DSCAM: variants seen among roughly 807,000 people sequenced by gnomAD.
DSCAM encodes cell adhesion molecule DSCAM.
A neutral mutation model predicts 217.7 loss-of-function variants in DSCAM; 47 were observed. The observed-to-expected ratio is 0.22, with a 90% CI of 0.17 to 0.28. DSCAM has a LOEUF of 0.28. Ranked by LOEUF, DSCAM falls within the 10% of genes least tolerant of loss-of-function variation. The pLI is 1.00. For missense variants in DSCAM, 2,080 were observed against 2,618.3 expected, an observed-to-expected ratio of 0.79 and a Z score of 4.49; for synonymous variants, 1,056 against 1,015.3, an observed-to-expected ratio of 1.04 and a Z score of -0.76.
At chr21:40,480,073 A>G (rs2075969449) in intron 3 of DSCAM, among the ~76,000 whole-genome samples, 2 of 152,172 alleles carry the variant, frequency 1.3e-5, no homozygotes, top group Admixed American at 1.3e-4. Flanking sequence ...TGTGACAGAA[A>G]CTGCCTGCAC....
At chr21:40,318,738 G>A (rs1461809091) in intron 8 of DSCAM, among the ~76,000 whole-genome samples, 1 of 152,212 alleles carries the variant, frequency 6.6e-6, no homozygotes, top group Non-Finnish European at 1.5e-5. Flanking sequence ...GAGTGATAAG[G>A]ATATTGCTGG....
At chr21:40,231,965 C>T (rs1020518987) in intron 11 of DSCAM, among the ~76,000 whole-genome samples, 1 of 152,194 alleles carries the variant, frequency 6.6e-6, no homozygotes, top group African/African-American at 2.4e-5. Flanking sequence ...CTGGACACCA[C>T]CCTTGGCATT....
rs2075106179 is a variant in DSCAM, at chr21:40,388,477, G to A, written c.509-19232C>T. On this transcript the variant is annotated intron_variant, in intron 3 of 32. Coordinates refer to ENST00000400454, the MANE Select transcript of DSCAM (RefSeq NM_001389.5). Reference sequence around the variant, plus strand: ...GAAAAGCAATCTCTTTAGTGCTTTTGACACTTTTCCACAAATTCCATTTCA... The same window carrying A: ...GAAAAGCAATCTCTTTAGTGCTTTTAACACTTTTCCACAAATTCCATTTCA... Among the ~76,000 whole-genome samples the A allele has an allele frequency of 2.0e-5, 3 of 152,106 alleles. No homozygotes were observed. The South Asian group carries it at 6.2e-4, about 32-fold the overall frequency.
chr21:40,124,840 A>G (rs1170893331), intron 19 of DSCAM, among the ~76,000 whole-genome samples: 1 of 152,124 alleles, frequency 6.6e-6, no homozygotes, highest in African/African-American at 2.4e-5. Flanking sequence ...TAGCTCTAGG[A>G]CCTAATACAG....
chr21:40,373,545 A>G (rs920010939), intron 3 of DSCAM, among the ~76,000 whole-genome samples: 1 of 152,218 alleles, frequency 6.6e-6, no homozygotes, highest in African/African-American at 2.4e-5. Context: ...TGAAGGGGCT[A>G]CTGATACCCA....
At chr21:40,677,647 G>T (rs890774109) in intron 3 of DSCAM, among the ~76,000 whole-genome samples, 1 of 152,134 alleles carries the variant, frequency 6.6e-6, no homozygotes, top group African/African-American at 2.4e-5. Context: ...AAATTCATAT[G>T]TTGAAACCTA....
chr21:40,740,240 T>C (rs1029338068), intron 1 of DSCAM, among the ~76,000 whole-genome samples: 4 of 152,168 alleles, frequency 2.6e-5, no homozygotes, highest in African/African-American at 7.2e-5. Context: ...CAAATACAGT[T>C]AGCTTTGAGC....
Position 40,708,644 on chromosome 21 carries a change from T to C in DSCAM, c.171A>G (p.Arg57=), listed in dbSNP as rs1411325539. Residue 57 remains arginine (R), a synonymous_variant, in exon 2 of 33, where the codon AGA becomes AGG. Transcript: ENST00000400454. ...TCTCCTCGCCCGTGGCTAGGTACCA[T>C]CTGAGAGTCACAGGAGGGATGCCTG... The part of the protein sequence containing the change: ...PAAGIPPVTL[R]WYLATGEEIY... 4 of 1,613,292 alleles carry C rather than the reference T, an allele frequency of 2.5e-6. No individual in the cohort carries two copies. The African/African-American group carries it at 4.0e-5, about 16-fold the overall frequency.
At chr21:40,250,395 G>A (rs940784369) in intron 11 of DSCAM, among the ~76,000 whole-genome samples, 1 of 152,156 alleles carries the variant, frequency 6.6e-6, no homozygotes, top group Non-Finnish European at 1.5e-5. Context: ...AAGTAAGAGT[G>A]TATATATGAC....
chr21:40,164,226 C>T (rs1368297886), intron 16 of DSCAM, among the ~76,000 whole-genome samples: 2 of 152,182 alleles, frequency 1.3e-5, no homozygotes, highest in Non-Finnish European at 2.9e-5. Context: ...TTCCCATCTT[C>T]ATGGGGGCAG....
chr21:40,801,560 A>T (rs1478738539), intron 1 of DSCAM, among the ~76,000 whole-genome samples: 1 of 152,164 alleles, frequency 6.6e-6, no homozygotes, highest in East Asian at 1.9e-4. Context: ...AGATGGCAGA[A>T]TGGTTTCAGG....
intron 3 of DSCAM, among the ~76,000 whole-genome samples, chr21:40,660,589 G>A (rs2090128499): frequency 6.6e-6 from 1 of 152,210 alleles, no homozygotes. Flanking sequence ...CCACAGTTCT[G>A]CTGAAGAAAT....
intron 13 of DSCAM, 102 bp downstream of exon 13, chr21:40,187,789 G>A: frequency 3.9e-6 from 4 of 1,024,956 alleles, no homozygotes; most frequent in Non-Finnish European, 4.6e-6. Context: ...GAATTAGGAA[G>A]TGTTACATGG....
intron 2 of DSCAM, among the ~76,000 whole-genome samples, chr21:40,698,558 C>T (rs1568990737): frequency 2.0e-5 from 3 of 152,086 alleles, no homozygotes; most frequent in Admixed American, 6.6e-5. Context: ...GCCTAACAGG[C>T]GCCTGATCTT....
chr21:40,448,989 C>A (rs965752467), intron 3 of DSCAM, among the ~76,000 whole-genome samples: 3 of 152,158 alleles, frequency 2.0e-5, no homozygotes, highest in Non-Finnish European at 4.4e-5. Context: ...TATACAGAAG[C>A]CTCTGAAGAG....
At chr21:40,175,780 T>TACAC (rs35339524) in intron 15 of DSCAM, among the ~76,000 whole-genome samples, 14,964 of 144,652 alleles carry the variant, frequency 0.1, 895 homozygotes, top group Middle Eastern at 0.14. Context: ...AACACACACA[T>TACAC]ACACACACAC....
chr21:40,354,438 G>C (rs1190090340), intron 4 of DSCAM, among the ~76,000 whole-genome samples: 6 of 152,100 alleles, frequency 3.9e-5, no homozygotes, highest in African/African-American at 9.6e-5. Context: ...TGCAATGATT[G>C]CTCACCACAG....
At chr21:40,452,190 CTA>C (rs1471596306) in intron 3 of DSCAM, among the ~76,000 whole-genome samples, 1 of 150,384 alleles carries the variant, frequency 6.6e-6, no homozygotes, top group Non-Finnish European at 1.5e-5. Context: ...ATACAGAGCA[CTA>C]TATAATATCT....
At chr21:40,424,140 C>T (rs930917417) in intron 3 of DSCAM, among the ~76,000 whole-genome samples, 5 of 152,192 alleles carry the variant, frequency 3.3e-5, no homozygotes, top group African/African-American at 1.2e-4. Flanking sequence ...GATAGCCTAG[C>T]AGCATGACGT....
Sources: allele counts gnomAD v4.1 joint callset (sites outside exome capture counted in the v4.1 genomes callset), GRCh38; gene constraint gnomAD v4.1.1; transcripts MANE v1.5; gene names NCBI Gene and HGNC (gene_info 2026-07-23, HGNC 2026-07-21).